Variants in FOXJ3 observed in about 807,000 individuals in gnomAD.
FOXJ3 encodes the protein forkhead box protein J3.
A neutral mutation model predicts 76.1 loss-of-function variants in FOXJ3; 22 were observed. That is an observed-to-expected ratio of 0.29 (90% confidence interval 0.21 to 0.41). The LOEUF is 0.41. Ranked by LOEUF, FOXJ3 falls within the 10% of genes least tolerant of loss-of-function variation. The probability of loss-of-function intolerance (pLI) is 1.00; values close to 1 mark genes in which losing one functional copy is unlikely to be tolerated. For synonymous variants in FOXJ3, 269 were observed against 261.2 expected (o/e 1.03, Z -0.29); for missense variants, 613 against 762.1 (o/e 0.80, Z 2.30).
intron 4 of FOXJ3, among the ~76,000 whole-genome samples, chr1:42,246,421 T>TG (rs1649557107): frequency 6.6e-6 from 1 of 151,884 alleles, no homozygotes; most frequent in Admixed American, 6.6e-5. Flanking sequence ...AAGAGGTATA[T>TG]GAAAAAAATG....
intron 4 of FOXJ3, among the ~76,000 whole-genome samples, chr1:42,232,769 C>A (rs1268326821): frequency 3.9e-5 from 6 of 152,154 alleles, no homozygotes; most frequent in South Asian, 4.1e-4. Context: ...ATGGTAGTTT[C>A]TTTGGCTGTG....
chr1:42,209,807 G>T lies in FOXJ3; in HGVS notation c.529-3944C>A, dbSNP rs538405436. ...CAGCTAATTCAGGCAGAGGTCACAG[G>T]TTGAGAGACACTCCCAAATGAGACT... On this transcript the variant is annotated intron_variant, in intron 5 of 12. Transcript: ENST00000361346. 9.2e-5 allele frequency among the ~76,000 whole-genome samples: 14 copies of T among 152,290 alleles called. No individual in the cohort carries two copies. The South Asian group carries it at 2.9e-3, about 32-fold the overall frequency.
At position 42,179,710 on chromosome 1, in the gene FOXJ3, C is replaced by CT; in HGVS notation, c.1868dup (p.Ter623=). The change falls in exon 13 of 13, where the codon TAG becomes TAAG. Residue 623 remains the stop codon, a frameshift_variant and stop_retained_variant. Coordinates refer to ENST00000361346, the MANE Select transcript of FOXJ3 (RefSeq NM_014947.5). LOFTEE classifies it high-confidence loss of function. ...GTCTGGTGTCTTGCAGAAACAAGCC[C>CT]TACACAATTGAATCCCAATCAAAGT... ...QDDFDWDSIV[*] The CT allele has an allele frequency of 6.3e-7, 1 of 1,588,834 alleles. No homozygotes were observed. Among genetic ancestry groups the CT allele is most frequent in the Non-Finnish European group, 8.6e-7 (1 of 1,157,002 alleles).
intron 5 of FOXJ3, among the ~76,000 whole-genome samples, chr1:42,207,318 GTTTTA>G (rs906391048): frequency 3.9e-5 from 6 of 152,066 alleles, no homozygotes; most frequent in Non-Finnish European, 7.4e-5. Context: ...ATCAGTTATA[GTTTTA>G]TTTTTCTTCC....
At chr1:42,289,214 TTTC>T (rs1476682398) in intron 2 of FOXJ3, among the ~76,000 whole-genome samples, 1 of 151,546 alleles carries the variant, frequency 6.6e-6, no homozygotes, top group Admixed American at 6.6e-5. Flanking sequence ...TATGAATATG[TTTC>T]TTAATATATA....
chr1:42,322,829 C>A (rs1655510382), intron 1 of FOXJ3, among the ~76,000 whole-genome samples: 1 of 152,046 alleles, frequency 6.6e-6, no homozygotes, highest in Non-Finnish European at 1.5e-5. Context: ...AAACAAAATG[C>A]AAACTTGGGC....
intron 4 of FOXJ3, among the ~76,000 whole-genome samples, chr1:42,249,841 G>A (rs758441668): frequency 1.2e-4 from 18 of 152,116 alleles, no homozygotes; most frequent in Admixed American, 5.9e-4. Context: ...AACCATGGGA[G>A]CAAAAAGAAG....
Position 42,272,384 on chromosome 1 carries a change from T to C in FOXJ3, c.369+5964A>G, listed in dbSNP as rs192481632. ...GCGCAAAGGAGAAGATAAACTAGGT[T>C]CCATCTGTCTCCACTCGAAGTGTTC... On this transcript the variant is annotated intron_variant, in intron 3 of 12. Coordinates refer to ENST00000361346, the MANE Select transcript of FOXJ3 (RefSeq NM_014947.5). Among the ~76,000 whole-genome samples the C allele has an allele frequency of 2.1e-4, 32 of 152,348 alleles. No individual in the cohort carries two copies. The East Asian group carries it at 4.6e-3, about 22-fold the overall frequency.
chr1:42,292,975 C>T (rs911057001), intron 2 of FOXJ3, among the ~76,000 whole-genome samples: 1 of 151,968 alleles, frequency 6.6e-6, no homozygotes, highest in Non-Finnish European at 1.5e-5. Flanking sequence ...GTGGTGGGCA[C>T]CTGTAGTCCC....
At chr1:42,266,503 GA>G (rs534296575) in intron 3 of FOXJ3, among the ~76,000 whole-genome samples, 1 of 152,152 alleles carries the variant, frequency 6.6e-6, no homozygotes, top group South Asian at 2.1e-4. Flanking sequence ...CAGAGCACAG[GA>G]AAAAGAGATG....
chr1:42,183,555 TA>T (rs1212216555), intron 11 of FOXJ3, among the ~76,000 whole-genome samples: 1 of 151,968 alleles, frequency 6.6e-6, no homozygotes, highest in East Asian at 1.9e-4. Flanking sequence ...GGAATGATTA[TA>T]AAAGCGGTTC....
intron 1 of FOXJ3, among the ~76,000 whole-genome samples, chr1:42,327,469 T>G (rs1194261699): frequency 6.6e-6 from 1 of 152,216 alleles, no homozygotes; most frequent in Non-Finnish European, 1.5e-5. Context: ...TTTTAATAAT[T>G]TAATAAGCAC....
chr1:42,314,056 A>G (rs998360675), intron 1 of FOXJ3, among the ~76,000 whole-genome samples: 2 of 152,202 alleles, frequency 1.3e-5, no homozygotes, highest in Admixed American at 6.5e-5. Context: ...CTTTTCATCT[A>G]AGAATGGCTT....
intron 2 of FOXJ3, among the ~76,000 whole-genome samples, chr1:42,288,076 A>G (rs139232474): frequency 1.3e-3 from 192 of 152,344 alleles, no homozygotes; most frequent in Middle Eastern, 3.4e-3. Context: ...TCACTTTACA[A>G]TTTAGGGGAG....
chr1:42,281,034 T>C (rs1218056323), intron 2 of FOXJ3, among the ~76,000 whole-genome samples: 4 of 152,158 alleles, frequency 2.6e-5, no homozygotes, highest in Non-Finnish European at 5.9e-5. Context: ...GGAATATAAT[T>C]GTTATTGCAG....
At chr1:42,208,951 T>C (rs1378383905) in intron 5 of FOXJ3, among the ~76,000 whole-genome samples, 1 of 152,196 alleles carries the variant, frequency 6.6e-6, no homozygotes, top group African/African-American at 2.4e-5. Flanking sequence ...ATATTGAAGG[T>C]GAAAAACAGA....
intron 1 of FOXJ3, chr1:42,323,815 C>T (rs1419156546): frequency 2.6e-6 from 1 of 380,320 alleles, no homozygotes; most frequent in Non-Finnish European, 3.6e-6. Flanking sequence ...CTCTACTGTT[C>T]CACAGGGAAG....
chr1:42,193,195 T>C (rs1646584262), intron 8 of FOXJ3, among the ~76,000 whole-genome samples: 1 of 152,110 alleles, frequency 6.6e-6, no homozygotes, highest in African/African-American at 2.4e-5. Context: ...TAGGTCTACC[T>C]CTGCATCTGC....
chr1:42,231,405 G>C (rs562465872), intron 4 of FOXJ3, among the ~76,000 whole-genome samples: 1 of 152,134 alleles, frequency 6.6e-6, no homozygotes, highest in Admixed American at 6.5e-5. Flanking sequence ...AATATTGTAT[G>C]ATTCCACTTA....
Sources: allele counts gnomAD v4.1 joint callset (sites outside exome capture counted in the v4.1 genomes callset), GRCh38; gene constraint gnomAD v4.1.1; transcripts MANE v1.5; gene names NCBI Gene and HGNC (gene_info 2026-07-23, HGNC 2026-07-21).